The following TENM2 variants were observed in gnomAD, a reference collection of about 807,000 sequenced individuals.
TENM2 encodes the protein teneurin-2.
In TENM2, 52 loss-of-function variants were observed where a neutral mutation model predicts 245.2. The observed-to-expected ratio is 0.21, with a 90% confidence interval of 0.17 to 0.27. TENM2 has a LOEUF of 0.27. TENM2 is among the 10% of genes least tolerant of loss of function. The pLI, the probability that TENM2 is intolerant of heterozygous loss-of-function variation, is 1.00. For missense variants in TENM2, 3,046 were observed against 3,666.8 expected (o/e 0.83, Z 4.37); for synonymous variants, 1,363 against 1,438.9 (o/e 0.95, Z 1.19).
chr5:167,556,540 A>T (rs945379257), intron 2 of TENM2, among the ~76,000 whole-genome samples: 1 of 152,132 alleles, frequency 6.6e-6, no homozygotes, highest in Non-Finnish European at 1.5e-5. Flanking sequence ...GAAACAATAC[A>T]TATGTACTTA....
intron 1 of TENM2, among the ~76,000 whole-genome samples, chr5:167,339,628 T>C (rs2127809724): frequency 6.6e-6 from 1 of 152,246 alleles, no homozygotes; most frequent in South Asian, 2.1e-4. Flanking sequence ...TTTTGCATTT[T>C]ACTATAAGTA....
intron 2 of TENM2, among the ~76,000 whole-genome samples, chr5:167,540,856 G>A (rs1772160196): frequency 6.6e-6 from 1 of 152,152 alleles, no homozygotes; most frequent in Non-Finnish European, 1.5e-5. Flanking sequence ...CTTACACAAA[G>A]TACCTCATCT....
chr5:167,559,896 G>A (rs542611871), intron 2 of TENM2, among the ~76,000 whole-genome samples: 2 of 152,260 alleles, frequency 1.3e-5, no homozygotes, highest in African/African-American at 4.8e-5. Flanking sequence ...TATGTGGGTG[G>A]TCGACAAATG....
intron 9 of TENM2, among the ~76,000 whole-genome samples, chr5:168,098,930 G>A (rs1233800375): frequency 6.6e-6 from 1 of 151,374 alleles, no homozygotes; most frequent in Non-Finnish European, 1.5e-5. Context: ...TTATTTTTTT[G>A]AGATAGAGTC....
chr5:167,173,910 T>G, the TENM2 span, among the ~76,000 whole-genome samples: 1 of 152,188 alleles, frequency 6.6e-6, no homozygotes, highest in Non-Finnish European at 1.5e-5. Context: ...ACTTTTTTGC[T>G]GAAATTCTTT....
intron 4 of TENM2, chr5:167,965,525 T>C (rs1376991019): frequency 6.6e-6 from 1 of 152,020 alleles, no homozygotes; most frequent in Non-Finnish European, 1.5e-5. Flanking sequence ...GAGGCTGCAG[T>C]AAGCTATGAT....
the TENM2 span, among the ~76,000 whole-genome samples, chr5:167,018,821 T>C: frequency 6.6e-6 from 1 of 152,192 alleles, no homozygotes; most frequent in South Asian, 2.1e-4. Context: ...ATCAAGCGGA[T>C]CTATCCTGAA....
chr5:167,461,671 A>C (rs1766297591), intron 2 of TENM2, among the ~76,000 whole-genome samples: 1 of 152,222 alleles, frequency 6.6e-6, no homozygotes, highest in Admixed American at 6.5e-5. Flanking sequence ...ATGTATCTTA[A>C]TTCTGTCCTA....
chr5:167,479,895 A>G (rs1320234549), intron 2 of TENM2, among the ~76,000 whole-genome samples: 1 of 152,202 alleles, frequency 6.6e-6, no homozygotes, highest in African/African-American at 2.4e-5. Context: ...GGGCCATTTT[A>G]ACATTTTAAT....
chr5:168,062,103 A>C (rs925990376), exon 7 of TENM2: 1 of 1,612,988 alleles, frequency 6.2e-7, no homozygotes, highest in Non-Finnish European at 8.5e-7. Context: ...GTGGTGAAGC[A>C]GAAGTTGGTC....
intron 2 of TENM2, among the ~76,000 whole-genome samples, chr5:167,853,289 CA>C (rs777170514): frequency 7.4e-3 from 181 of 24,614 alleles, no homozygotes; most frequent in South Asian, 0.02. Context: ...GACTCCGTCT[CA>C]AAAAAAAAAA....
intron 2 of TENM2, among the ~76,000 whole-genome samples, chr5:167,437,004 G>A (rs1222473493): frequency 6.6e-6 from 1 of 152,160 alleles, no homozygotes; most frequent in Non-Finnish European, 1.5e-5. Flanking sequence ...TATGGGGTTG[G>A]AGCCCCCTCA....
intron 3 of TENM2, among the ~76,000 whole-genome samples, chr5:167,930,693 G>A (rs180771733): frequency 6.6e-6 from 1 of 151,822 alleles, no homozygotes; most frequent in Non-Finnish European, 1.5e-5. Flanking sequence ...ACATTGCCCA[G>A]GCTGGTAGAA....
At chr5:168,236,430 C>G (rs1468746806) in intron 25 of TENM2, among the ~76,000 whole-genome samples, 1 of 152,168 alleles carries the variant, frequency 6.6e-6, no homozygotes, top group East Asian at 1.9e-4. Context: ...ATCCCCTGTG[C>G]TTTCATTTGC....
chr5:168,001,024 C>T (rs1000741070), intron 5 of TENM2, among the ~76,000 whole-genome samples: 1 of 152,220 alleles, frequency 6.6e-6, no homozygotes, highest in East Asian at 1.9e-4. Flanking sequence ...CACTGCCCAG[C>T]GCTTTGTAGG....
chr5:167,568,507 G>T (rs971291569), intron 2 of TENM2, among the ~76,000 whole-genome samples: 1 of 151,990 alleles, frequency 6.6e-6, no homozygotes, highest in Admixed American at 6.6e-5. Context: ...ATAAAAACAC[G>T]CTGACTTCAT....
At chr5:167,905,024 G>C (rs1775979135) in intron 3 of TENM2, among the ~76,000 whole-genome samples, 1 of 152,146 alleles carries the variant, frequency 6.6e-6, no homozygotes, top group African/African-American at 2.4e-5. Context: ...TTCAGGATAT[G>C]GTTATAGGAT....
intron 1 of TENM2, among the ~76,000 whole-genome samples, chr5:167,328,471 G>A (rs769138921): frequency 6.6e-6 from 1 of 152,052 alleles, no homozygotes; most frequent in Non-Finnish European, 1.5e-5. Flanking sequence ...GATTACAGGC[G>A]TGAGCCACCA....
chr5:168,214,181 T>A (rs904674755), intron 20 of TENM2, among the ~76,000 whole-genome samples: 4 of 152,220 alleles, frequency 2.6e-5, no homozygotes, highest in Non-Finnish European at 5.9e-5. Context: ...TGTGTTTTAG[T>A]CCTGAGCCAC....
Sources: gnomAD v4.1 joint callset for allele counts (sites outside exome capture counted in the v4.1 genomes callset) on GRCh38, gnomAD v4.1.1 for gene constraint, MANE v1.5 for transcripts, NCBI Gene and HGNC (gene_info 2026-07-23, HGNC 2026-07-21) for gene names.